The following SH3BP2 variants were observed in gnomAD, a reference collection of about 807,000 sequenced individuals.
SH3BP2 encodes SH3 domain-binding protein 2.
A neutral mutation model predicts 56.2 loss-of-function variants in SH3BP2; 38 were observed. The ratio of observed to expected loss-of-function variants is 0.68; its 90% CI spans 0.52 to 0.89. SH3BP2 has a LOEUF of 0.89. Among genes scored for constraint, SH3BP2 ranks in the 40% least tolerant of loss-of-function variants. SH3BP2 has a pLI of 0.00. For missense variants in SH3BP2, 748 were observed against 762.6 expected, an observed-to-expected ratio of 0.98 and a Z score of 0.23; for synonymous variants, 346 against 316.7, an observed-to-expected ratio of 1.09 and a Z score of -0.98.
chr4:2,804,875 A>G (rs1314557700), intron 1 of SH3BP2, among the ~76,000 whole-genome samples: 1 of 152,246 alleles, frequency 6.6e-6, no homozygotes, highest in Non-Finnish European at 1.5e-5. Flanking sequence ...CTGGCTGGGT[A>G]GCCAAGCGTT....
rs549110740 is a variant in SH3BP2, at chr4:2,822,782, G to C, written c.137-153G>C. Among the ~76,000 whole-genome samples, 7 of 152,298 alleles carry C rather than the reference G, an allele frequency of 4.6e-5. No individual in the cohort carries two copies. In the East Asian group the frequency reaches 1.4e-3, roughly 29 times the overall value. On this transcript the variant is annotated intron_variant, in intron 2 of 12. Coordinates refer to ENST00000503393, the MANE Select transcript of SH3BP2 (RefSeq NM_001122681.2). Reference sequence around the variant, plus strand: ...GGCCCCAGAGTGGGCTCCTGGGGAGGGGGCAGCATGCCAGCCTTGCTCCCT... The same window carrying C: ...GGCCCCAGAGTGGGCTCCTGGGGAGCGGGCAGCATGCCAGCCTTGCTCCCT...
rs1259822008 is a variant in SH3BP2 at position 2,831,215 on chromosome 4, C to A, written c.1242-356C>A. Among the ~76,000 whole-genome samples, 1 of 152,214 alleles carries A rather than the reference C, an allele frequency of 6.6e-6. No individual in the cohort carries two copies. Among genetic ancestry groups the A allele is most frequent in the Non-Finnish European group, 1.5e-5 (1 of 68,030 alleles). On this transcript the variant is annotated intron_variant, in intron 8 of 12. Coordinates refer to ENST00000503393, the MANE Select transcript of SH3BP2 (RefSeq NM_001122681.2). This position sits in a 1 kb window ranked among gnomAD's most constrained non-coding sequence, Gnocchi z 4.1. ...ATTGTTCATCCAGTTCACGTCCACT[C>A]CCCTGTGGCTCTGAGTGGGCTGTGA...
At chr4:2,806,874 G>T (rs1174105135) in intron 1 of SH3BP2, among the ~76,000 whole-genome samples, 1 of 152,274 alleles carries the variant, frequency 6.6e-6, no homozygotes, top group Non-Finnish European at 1.5e-5. Context: ...TTCCCTCTGA[G>T]GACAGAGCTT....
chr4:2,833,100 G>A (rs1725085290), intron 12 of SH3BP2, 51 bp downstream of exon 12: 3 of 1,547,676 alleles, frequency 1.9e-6, no homozygotes, highest in Non-Finnish European at 2.7e-6. Flanking sequence ...GCCTGGCAAG[G>A]GGCAGGGCAG....
rs1725300606 is a variant in SH3BP2 at position 2,838,177 on chromosome 4, AAC to A, written c.*4348_*4349del. 1.3e-5 allele frequency: 2 copies of A among 152,358 alleles called. No individual in the cohort carries two copies. The highest frequency in any genetic ancestry group is 4.8e-5 in the African/African-American group (2 of 41,580). The allele number at this position is 152,358 out of a possible 1,614,324, so 9.4% of individuals were successfully genotyped here. A position where few individuals can be genotyped will look rare whatever the true frequency, so the allele number is the denominator to read the frequency against. On this transcript the variant is annotated 3_prime_UTR_variant, in exon 13 of 13. Transcript: ENST00000503393. The stretch of plus-strand genomic sequence containing the variant: ...TGAATAAAACATAAATGCACAACCT[AAC>A]ACACTGTTAGGAAGTGAACGATCTG...
At chr4:2,824,481 A>AG (rs1188078842) in intron 3 of SH3BP2, 132 bp from the exon 4 acceptor site, 1 of 636,484 alleles carries the variant, frequency 1.6e-6, no homozygotes, top group East Asian at 2.7e-5. Context: ...ATCAGCAGCC[A>AG]GGGCCCACCC....
At chr4:2,804,962 G>A (rs866439570) in intron 1 of SH3BP2, among the ~76,000 whole-genome samples, 4 of 152,246 alleles carry the variant, frequency 2.6e-5, no homozygotes, top group Non-Finnish European at 4.4e-5. Context: ...CAGAGCTGGC[G>A]CACTCAGAAC....
rs375957315 is a variant in SH3BP2 at position 2,800,991 on chromosome 4, C to T, written c.-5+7853C>T. ...CAGAAAGGCTGTGACAGGCTGGCTC[C>T]GAGGGAGGAAGGAGCTGGGCTGTGG... On this transcript the variant is annotated intron_variant, in intron 1 of 12. Transcript: ENST00000503393. Among the ~76,000 whole-genome samples the T allele has an allele frequency of 8.3e-4, 102 of 123,614 alleles. No individual in the cohort carries two copies. In the East Asian group the frequency reaches 0.015, roughly 18 times the overall value. The allele number at this position is 123,614 out of a possible 152,430, so 81.1% of individuals were successfully genotyped here.
intron 1 of SH3BP2, among the ~76,000 whole-genome samples, chr4:2,813,958 C>A (rs1274629344): frequency 1.3e-5 from 2 of 152,200 alleles, no homozygotes; most frequent in African/African-American, 2.4e-5. Flanking sequence ...GCTGGATCCC[C>A]AGCCCCAACT....
In SH3BP2 at chr4:2,825,188, G is replaced by A. The variant is rs761275790; in HGVS notation, c.420G>A (p.Leu140=). 4 of 1,579,912 alleles carry A rather than the reference G, an allele frequency of 2.5e-6. No homozygotes were observed. The highest frequency in any genetic ancestry group is 1.8e-5 in the Admixed American group (1 of 55,156). ...GHFHEKKDLP[L]DTSDSSSDTD... ...TCCACGAAAAGAAAGACCTGCCCTT[G>A]GACACCAGGTGAGCCCGGGCCCAGG... The change falls in exon 5 of 13, where the codon TTG becomes TTA. Residue 140 remains leucine (L), a synonymous_variant. Transcript: ENST00000503393.
chr4:2,824,575 TGTGAACCAGGCC>T (rs1176384203), intron 3 of SH3BP2, 26 bp from the exon 4 acceptor site: 1 of 1,501,860 alleles, frequency 6.7e-7, no homozygotes, highest in Non-Finnish European at 9.2e-7. Flanking sequence ...TCCCTATAGC[TGTGAACCAGGCC>T]GTGACCCCTG....
In SH3BP2 at chr4:2,829,740, C is replaced by T. The variant is rs142919460; in HGVS notation, c.834C>T (p.Ser278=). 2.9e-5 allele frequency: 46 copies of T among 1,612,792 alleles called. No individual in the cohort carries two copies. Among genetic ancestry groups the T allele is most frequent in the Non-Finnish European group, 3.6e-5 (43 of 1,179,820 alleles). The change falls in exon 8 of 13, where the codon AGC becomes AGT. Residue 278 remains serine, a synonymous_variant. Coordinates refer to ENST00000503393, the MANE Select transcript of SH3BP2 (RefSeq NM_001122681.2). This position sits in a 1 kb window ranked among gnomAD's most constrained non-coding sequence, Gnocchi z 4.9. Reference sequence around the variant, plus strand: ...TACCTGCTACCCCCCGAAGGATGAGCGATCCCCCTCTGAGCACCATGCCCA... The same window carrying T: ...TACCTGCTACCCCCCGAAGGATGAGTGATCCCCCTCTGAGCACCATGCCCA... ...PRVPATPRRM[S]DPPLSTMPTA... is the part of the protein sequence containing the mutation.
intron 1 of SH3BP2, among the ~76,000 whole-genome samples, chr4:2,804,063 A>G (rs1217945544): frequency 6.6e-6 from 1 of 152,092 alleles, no homozygotes; most frequent in African/African-American, 2.4e-5. Flanking sequence ...CAGCCTCACC[A>G]TGACTCCAGC....
intron 12 of SH3BP2, 78 bp downstream of exon 12, chr4:2,833,127 C>A: frequency 7.5e-7 from 1 of 1,338,248 alleles, no homozygotes; most frequent in Non-Finnish European, 1.1e-6. Flanking sequence ...CCTGATGAGG[C>A]ATAGGCAGCG....
intron 1 of SH3BP2, among the ~76,000 whole-genome samples, chr4:2,816,195 C>T (rs1723989816): frequency 6.6e-6 from 1 of 152,122 alleles, no homozygotes. Flanking sequence ...GCTGGGATTA[C>T]AGGTGCCTGC....
chr4:2,807,771 G>A (rs1004466450), intron 1 of SH3BP2, among the ~76,000 whole-genome samples: 2 of 152,186 alleles, frequency 1.3e-5, no homozygotes, highest in Non-Finnish European at 2.9e-5. Flanking sequence ...AGGGGTGAAC[G>A]CGAGGCCAGG....
chr4:2,807,364 C>T (rs1331468843), intron 1 of SH3BP2, among the ~76,000 whole-genome samples: 1 of 152,226 alleles, frequency 6.6e-6, no homozygotes, highest in African/African-American at 2.4e-5. Context: ...ATGGACATGA[C>T]AGTGAACTCA....
intron 1 of SH3BP2, among the ~76,000 whole-genome samples, chr4:2,802,842 G>A (rs1341404687): frequency 1.3e-5 from 2 of 152,296 alleles, no homozygotes; most frequent in African/African-American, 4.8e-5. Context: ...CTCAGCCTTG[G>A]TGGGTCCCAG....
rs970027685 is a variant in SH3BP2, at chr4:2,835,597, T to C, written c.*1763T>C. 3 of 152,214 alleles carry C rather than the reference T, an allele frequency of 2.0e-5. No homozygotes were observed. Among genetic ancestry groups the C allele is most frequent in the Non-Finnish European group, 4.4e-5 (3 of 68,048 alleles). 9.4% of individuals were successfully genotyped at this position (152,214 alleles called of 1,614,324 possible). ...GTCATGCCACTCCCCACTGTGGCCA[T>C]AGTTTCTCTTCCTGTAAAATTTTAT... On this transcript the variant is annotated 3_prime_UTR_variant, in exon 13 of 13. Coordinates refer to ENST00000503393, the MANE Select transcript of SH3BP2 (RefSeq NM_001122681.2).
Sources: allele counts gnomAD v4.1 joint callset (sites outside exome capture counted in the v4.1 genomes callset), GRCh38; gene constraint gnomAD v4.1.1; non-coding constraint Gnocchi (gnomAD v3.1); transcripts MANE v1.5; gene names NCBI Gene and HGNC (gene_info 2026-07-23, HGNC 2026-07-21).